DYNC1I1: variants seen among roughly 807,000 people sequenced by gnomAD.
DYNC1I1 encodes dynein cytoplasmic 1 intermediate chain 1, also known as cytoplasmic dynein 1 intermediate chain 1.
Under a neutral mutation model 86.6 loss-of-function variants are expected in DYNC1I1, and 43 were observed. That is an observed-to-expected ratio of 0.50 (90% CI 0.39 to 0.64). The LOEUF (loss-of-function observed/expected upper bound fraction) is 0.64, where lower values mean the gene tolerates loss of function less well. DYNC1I1 is among the 30% of genes least tolerant of loss of function. DYNC1I1 has a pLI of 0.00. For synonymous variants in DYNC1I1, 262 were observed against 283.7 expected (o/e 0.92, Z 0.77); for missense variants, 604 against 788.8 (o/e 0.77, Z 2.81).
At chr7:95,893,968 G>T (rs1012950018) in intron 6 of DYNC1I1, among the ~76,000 whole-genome samples, 5 of 152,160 alleles carry the variant, frequency 3.3e-5, no homozygotes, top group Admixed American at 3.3e-4. Context: ...AATTTATTCG[G>T]TTCCTCAGTG....
At chr7:95,831,559 G>T (rs1227513) in intron 5 of DYNC1I1, among the ~76,000 whole-genome samples, 80,536 of 151,962 alleles carry the variant, frequency 0.53, 22,148 homozygotes, top group African/African-American at 0.69. Flanking sequence ...TGTAGCTCTA[G>T]TTTTAATAAT....
chr7:96,049,381 GT>G (rs955036317), intron 14 of DYNC1I1, among the ~76,000 whole-genome samples: 2 of 151,922 alleles, frequency 1.3e-5, no homozygotes, highest in African/African-American at 2.4e-5. Context: ...TGGAAATGGA[GT>G]TTTTTGGCCT....
intron 16 of DYNC1I1, among the ~76,000 whole-genome samples, chr7:96,103,587 T>C (rs964503502): frequency 6.6e-6 from 1 of 152,136 alleles, no homozygotes; most frequent in Non-Finnish European, 1.5e-5. Context: ...GTCAAAATCC[T>C]TATAGTGGCC....
intron 7 of DYNC1I1, 127 bp from the exon 8 acceptor site, chr7:95,984,688 G>A: frequency 1.2e-6 from 1 of 846,802 alleles, no homozygotes. Flanking sequence ...GCAATGATTT[G>A]TTTCACTGTG....
In DYNC1I1 at chr7:95,963,263, C is replaced by T. The variant is rs185857901; in HGVS notation, c.491-14249C>T. ...CCTCACCCCTATTTAATTTTCAGAG[C>T]ACATCTCCAGGCATTCTCTCTTCTG... On this transcript the variant is annotated intron_variant, in intron 6 of 16. Coordinates refer to ENST00000447467, the MANE Select transcript of DYNC1I1 (RefSeq NM_001135556.2). Among the ~76,000 whole-genome samples the T allele has an allele frequency of 4.6e-5, 7 of 152,262 alleles. No homozygotes were observed. In the East Asian group the frequency reaches 1.4e-3, roughly 29 times the overall value.
At chr7:95,891,790 G>C (rs1267113315) in intron 6 of DYNC1I1, among the ~76,000 whole-genome samples, 2 of 152,096 alleles carry the variant, frequency 1.3e-5, no homozygotes, top group Admixed American at 6.5e-5. Flanking sequence ...ATGATTTGGG[G>C]TGTGTACTCT....
intron 6 of DYNC1I1, among the ~76,000 whole-genome samples, chr7:95,940,418 G>A (rs1288772499): frequency 3.6e-4 from 55 of 151,718 alleles, no homozygotes; most frequent in Middle Eastern, 6.8e-3. Flanking sequence ...CATTCTCCCC[G>A]TCACTTTCAG....
chr7:95,849,001 A>G (rs1052379101), intron 5 of DYNC1I1, among the ~76,000 whole-genome samples: 3 of 152,100 alleles, frequency 2.0e-5, no homozygotes, highest in African/African-American at 7.2e-5. Context: ...ATTTTTTCAG[A>G]TACTCATTGA....
intron 4 of DYNC1I1, among the ~76,000 whole-genome samples, chr7:95,826,252 A>G (rs1021089320): frequency 1.2e-4 from 19 of 152,224 alleles, no homozygotes; most frequent in African/African-American, 4.3e-4. Flanking sequence ...CAGAGGTTCT[A>G]TGTAAAAAGA....
chr7:95,945,051 A>T (rs1179308663), intron 6 of DYNC1I1, among the ~76,000 whole-genome samples: 2 of 151,746 alleles, frequency 1.3e-5, no homozygotes, highest in African/African-American at 4.8e-5. Flanking sequence ...AAATAAACAT[A>T]AAAATAAAAA....
rs556785448 is a variant in DYNC1I1 at position 95,882,243 on chromosome 7, A to G, written c.490+12245A>G. 6.6e-4 allele frequency among the ~76,000 whole-genome samples: 101 copies of G among 152,298 alleles called. 1 individual carries two copies. Among genetic ancestry groups the G allele is most frequent in the Non-Finnish European group, 1.2e-3 (81 of 68,016 alleles). On this transcript the variant is annotated intron_variant, in intron 6 of 16. Transcript: ENST00000447467. ...ATGCTTTTCTTTGAACTATTATTTC[A>G]ATAATAGGTATTGTTTTGCTGCCGA...
chr7:95,890,233 A>G (rs1248281731), intron 6 of DYNC1I1, among the ~76,000 whole-genome samples: 1 of 152,236 alleles, frequency 6.6e-6, no homozygotes, highest in Non-Finnish European at 1.5e-5. Context: ...CATATATACC[A>G]TGGAATACTA....
intron 10 of DYNC1I1, among the ~76,000 whole-genome samples, chr7:96,018,710 G>T (rs112102836): frequency 2.4e-4 from 37 of 152,234 alleles, no homozygotes; most frequent in Non-Finnish European, 5.0e-4. Context: ...GGAGAAACAA[G>T]GAGAGATGTA....
chr7:96,056,793 A>C (rs893687083), intron 14 of DYNC1I1, among the ~76,000 whole-genome samples: 1 of 152,156 alleles, frequency 6.6e-6, no homozygotes, highest in African/African-American at 2.4e-5. Flanking sequence ...GTCAACAAGC[A>C]TCTGTAGTAA....
chr7:95,870,322 A>C (rs1032933995), intron 6 of DYNC1I1, among the ~76,000 whole-genome samples: 1 of 152,254 alleles, frequency 6.6e-6, no homozygotes, highest in African/African-American at 2.4e-5. Flanking sequence ...TACATTAAGC[A>C]TACATTAAGA....
At chr7:95,892,720 T>G (rs1790776861) in intron 6 of DYNC1I1, among the ~76,000 whole-genome samples, 1 of 152,220 alleles carries the variant, frequency 6.6e-6, no homozygotes. Context: ...GTGCTGGGAT[T>G]ACAGGTGTGA....
chr7:96,072,876 T>C (rs781199917), intron 14 of DYNC1I1, among the ~76,000 whole-genome samples: 1 of 152,232 alleles, frequency 6.6e-6, no homozygotes, highest in Non-Finnish European at 1.5e-5. Context: ...AAATATTTTA[T>C]GCATGAGACA....
rs987241948 is a variant in DYNC1I1 at position 95,925,850 on chromosome 7, T to C, written c.491-51662T>C. 5.3e-5 allele frequency among the ~76,000 whole-genome samples: 8 copies of C among 152,224 alleles called. No homozygotes were observed. In the East Asian group the frequency reaches 1.5e-3, roughly 29 times the overall value. On this transcript the variant is annotated intron_variant, in intron 6 of 16. Coordinates refer to ENST00000447467, the MANE Select transcript of DYNC1I1 (RefSeq NM_001135556.2). ...TAAAATAATGCTTTAAACGTTATTT[T>C]GTCTTCTTTAGTTTTTCTTTTTATC...
chr7:95,878,043 A>T (rs1011944320), intron 6 of DYNC1I1, among the ~76,000 whole-genome samples: 8 of 152,228 alleles, frequency 5.3e-5, no homozygotes, highest in African/African-American at 1.7e-4. Context: ...AAAATAGCCC[A>T]ACCAATCACT....
Sources: gnomAD v4.1 joint callset for allele counts (sites outside exome capture counted in the v4.1 genomes callset) on GRCh38, gnomAD v4.1.1 for gene constraint, MANE v1.5 for transcripts, NCBI Gene and HGNC (gene_info 2026-07-23, HGNC 2026-07-21) for gene names.